The following KIAA1671 variants were observed in gnomAD, a reference collection of about 807,000 sequenced individuals.
The protein encoded by KIAA1671 is uncharacterized protein KIAA1671.
KIAA1671 carries 52 observed loss-of-function variants against 131.2 expected under a neutral mutation model. The observed-to-expected ratio is 0.40, with a 90% CI of 0.32 to 0.50. The LOEUF (loss-of-function observed/expected upper bound fraction) is 0.50, where lower values mean the gene tolerates loss of function less well. Ranked by LOEUF, KIAA1671 falls within the 20% of genes least tolerant of loss-of-function variation. The pLI is 0.73. For synonymous variants in KIAA1671, 1,003 were observed against 961.6 expected, an observed-to-expected ratio of 1.04 and a Z score of -0.80; for missense variants, 2,360 against 2,364.2, an observed-to-expected ratio of 1.00 and a Z score of 0.04.
At chr22:25,020,270 T>C (rs1925590651) in intron 1 of KIAA1671, among the ~76,000 whole-genome samples, 1 of 152,182 alleles carries the variant, frequency 6.6e-6, no homozygotes, top group East Asian at 1.9e-4. Context: ...GCACAAGTTG[T>C]TGAGAAGATG....
chr22:25,068,378 A>G (rs1928606652), intron 6 of KIAA1671, among the ~76,000 whole-genome samples: 1 of 152,114 alleles, frequency 6.6e-6, no homozygotes, highest in African/African-American at 2.4e-5. Flanking sequence ...AGAGCTTTGA[A>G]GCTACCCCGT....
Position 25,195,294 on chromosome 22 carries a change from C to G in KIAA1671, c.*2893C>G, listed in dbSNP as rs569265208. The G allele has an allele frequency of 5.3e-5, 8 of 152,262 alleles. No individual in the cohort carries two copies. The East Asian group carries it at 1.5e-3, about 29-fold the overall frequency. 9.4% of individuals were successfully genotyped at this position (152,262 alleles called of 1,614,324 possible). ...AGATACCCTTCTTCATGGTCCTTTG[C>G]CTAATCAAACAGAGGCTTTTGGCCT... On this transcript the variant is annotated 3_prime_UTR_variant, in exon 13 of 13. Transcript: ENST00000358431.
chr22:25,070,213 C>T (rs113630291), intron 6 of KIAA1671: 22 of 395,540 alleles, frequency 5.6e-5, no homozygotes, highest in African/African-American at 2.1e-4. Flanking sequence ...TTAGTGGAGC[C>T]GACTGGCTGG....
chr22:25,026,654 T>A (rs940606779), intron 2 of KIAA1671, among the ~76,000 whole-genome samples: 1 of 151,620 alleles, frequency 6.6e-6, no homozygotes, highest in African/African-American at 2.4e-5. Context: ...GGCTTGAACC[T>A]GGGAGGCAGA....
At chr22:25,103,104 T>G (rs1353364522) in intron 6 of KIAA1671, among the ~76,000 whole-genome samples, 2 of 151,856 alleles carry the variant, frequency 1.3e-5, no homozygotes, top group Non-Finnish European at 2.9e-5. Flanking sequence ...CCCAGGTAAG[T>G]GCAGAGAAAT....
chr22:24,984,424 C>T (rs1336997939), intron 1 of KIAA1671, among the ~76,000 whole-genome samples: 1 of 152,148 alleles, frequency 6.6e-6, no homozygotes, highest in African/African-American at 2.4e-5. Context: ...AAGGACCATC[C>T]TCAAATATAG....
chr22:25,071,189 T>A (rs1468733396), intron 6 of KIAA1671, among the ~76,000 whole-genome samples: 1 of 152,218 alleles, frequency 6.6e-6, no homozygotes, highest in Non-Finnish European at 1.5e-5. Context: ...AGAATTGTCA[T>A]GGGCTGGTCT....
chr22:25,041,534 C>T lies in KIAA1671; in HGVS notation c.4395+9C>T, dbSNP rs369307883. ...CTGGAGACAGTCACAAGGTAAGTAC[C>T]GAGACACTTTTTAATTTTGTCAAAC... On this transcript the variant is annotated intron_variant, in intron 5 of 12. Transcript: ENST00000358431. 1.2e-4 allele frequency: 181 copies of T among 1,508,840 alleles called. 2 individuals carry two copies. In the East Asian group the frequency reaches 2.5e-3, roughly 21 times the overall value. 93.5% of individuals were successfully genotyped at this position (1,508,840 alleles called of 1,614,324 possible).
chr22:25,187,109 C>T (rs944487724), intron 11 of KIAA1671, among the ~76,000 whole-genome samples: 3 of 152,180 alleles, frequency 2.0e-5, no homozygotes, highest in African/African-American at 4.8e-5. Context: ...CACCTAATCT[C>T]TCACCCCCTC....
At chr22:25,058,494 T>C (rs1927974996) in intron 6 of KIAA1671, 1 of 152,088 alleles carries the variant, frequency 6.6e-6, no homozygotes. Flanking sequence ...TTTTTAGGAT[T>C]CCCCCCTATT....
At chr22:25,101,724 A>G (rs1217124972) in intron 6 of KIAA1671, among the ~76,000 whole-genome samples, 1 of 152,112 alleles carries the variant, frequency 6.6e-6, no homozygotes, top group Admixed American at 6.5e-5. Context: ...GGATGTTTGG[A>G]GTCCTGTGAC....
At chr22:25,115,800 A>G (rs1404638093) in intron 6 of KIAA1671, among the ~76,000 whole-genome samples, 1 of 152,186 alleles carries the variant, frequency 6.6e-6, no homozygotes, top group African/African-American at 2.4e-5. Flanking sequence ...ATTTAGAGAC[A>G]GAGCCTCACT....
intron 1 of KIAA1671, 130 bp from the exon 2 acceptor site, chr22:25,025,503 A>T (rs1925898638): frequency 6.6e-6 from 1 of 152,224 alleles, no homozygotes; most frequent in Non-Finnish European, 1.5e-5. Flanking sequence ...TCGAAAAGCC[A>T]AAAGGAGCAT....
intron 1 of KIAA1671, among the ~76,000 whole-genome samples, chr22:25,007,428 G>A (rs927207819): frequency 2.0e-5 from 3 of 151,830 alleles, no homozygotes; most frequent in Non-Finnish European, 4.4e-5. Context: ...GGAGGTTGCA[G>A]TGAGCCGAGA....
intron 5 of KIAA1671, among the ~76,000 whole-genome samples, chr22:25,047,075 G>A (rs1482142127): frequency 6.6e-6 from 1 of 150,482 alleles, no homozygotes; most frequent in Non-Finnish European, 1.5e-5. Flanking sequence ...GGCTCGAGCA[G>A]TCCTCCCACC....
intron 1 of KIAA1671, among the ~76,000 whole-genome samples, chr22:24,966,047 T>C (rs1361109515): frequency 6.6e-6 from 1 of 152,230 alleles, no homozygotes; most frequent in African/African-American, 2.4e-5. Flanking sequence ...GTGAAACGCC[T>C]TGCTTCGCAG....
At chr22:25,169,760 C>T (rs1354588360) in intron 6 of KIAA1671, among the ~76,000 whole-genome samples, 1 of 151,446 alleles carries the variant, frequency 6.6e-6, no homozygotes, top group African/African-American at 2.5e-5. Context: ...TTGCTCCCTG[C>T]GTGCCCTCTC....
chr22:24,958,377 A>C (rs1921829926), intron 1 of KIAA1671, among the ~76,000 whole-genome samples: 1 of 152,006 alleles, frequency 6.6e-6, no homozygotes, highest in African/African-American at 2.4e-5. Flanking sequence ...AGACCGGGTG[A>C]GGTGGCTCAC....
rs1317710391 is a variant in KIAA1671, at chr22:25,195,530, T to G, written c.*3129T>G. ...GCCAAATCATGTGGTTTCAGACAATTGTGTTTGCCTTTGTGCCTCCCTGGA... is the reference window on the plus strand; with the variant it reads ...GCCAAATCATGTGGTTTCAGACAATGGTGTTTGCCTTTGTGCCTCCCTGGA... On this transcript the variant is annotated 3_prime_UTR_variant, in exon 13 of 13. Coordinates refer to ENST00000358431, the MANE Select transcript of KIAA1671 (RefSeq NM_001145206.2). 3.3e-5 allele frequency: 5 copies of G among 152,160 alleles called. No individual in the cohort carries two copies. Among genetic ancestry groups the G allele is most frequent in the African/African-American group, 1.2e-4 (5 of 41,438 alleles). The allele number at this position is 152,160 out of a possible 1,614,324, so 9.4% of individuals were successfully genotyped here. A position where few individuals can be genotyped will look rare whatever the true frequency, so the allele number is the denominator to read the frequency against.
Sources: gnomAD v4.1 joint callset for allele counts (sites outside exome capture counted in the v4.1 genomes callset) on GRCh38, gnomAD v4.1.1 for gene constraint, MANE v1.5 for transcripts, NCBI Gene and HGNC (gene_info 2026-07-23, HGNC 2026-07-21) for gene names.